The following SCO1 variants were observed in gnomAD, a reference collection of about 807,000 sequenced individuals.
The protein encoded by SCO1 is synthesis of cytochrome C oxidase 1, also known as cytochrome c oxidase assembly factor SCO1.
SCO1 carries 23 observed loss-of-function variants against 34.0 expected under a neutral mutation model. That is an observed-to-expected ratio of 0.68 (90% CI 0.49 to 0.96). SCO1 has a LOEUF of 0.96. SCO1 is among the 40% of genes least tolerant of loss of function. SCO1 has a pLI of 0.00. For synonymous variants in SCO1, 161 were observed against 145.5 expected (o/e 1.11, Z -0.77); for missense variants, 404 against 381.6 (o/e 1.06, Z -0.49).
Position 10,675,661 on chromosome 17 carries a change from A to G in SCO1, c.*5458T>C, listed in dbSNP as rs1187798189. 6.6e-6 allele frequency: 1 copy of G among 152,192 alleles called. No homozygotes were observed. Among genetic ancestry groups the G allele is most frequent in the African/African-American group, 2.4e-5 (1 of 41,446 alleles). 9.4% of individuals were successfully genotyped at this position (152,192 alleles called of 1,614,324 possible). A position where few individuals can be genotyped will look rare whatever the true frequency, so the allele number is the denominator to read the frequency against. ...GTTAAGCACTATTCTGACTTTTAAC[A>G]CGATGGGTTAGTTTTCCCTGTTCTC... On this transcript the variant is annotated 3_prime_UTR_variant, in exon 6 of 6. Coordinates refer to ENST00000255390, the MANE Select transcript of SCO1 (RefSeq NM_004589.4).
intron 5 of SCO1, among the ~76,000 whole-genome samples, chr17:10,685,220 A>G (rs2074648073): frequency 6.6e-6 from 1 of 152,214 alleles, no homozygotes; most frequent in Non-Finnish European, 1.5e-5. Context: ...TCAGTGACTC[A>G]GGGTCTTGGC....
rs2074598507 is a variant in SCO1 at position 10,678,687 on chromosome 17, C to A, written c.*2432G>T. On this transcript the variant is annotated 3_prime_UTR_variant, in exon 6 of 6. Transcript: ENST00000255390. Reference sequence around the variant, plus strand: ...AGATTCCTAGGAAAGTCATTCTAAACCAACTGCTTCCGAGCTGGTTTCTAT... The same window carrying A: ...AGATTCCTAGGAAAGTCATTCTAAAACAACTGCTTCCGAGCTGGTTTCTAT... 1 of 152,142 alleles carries A rather than the reference C, an allele frequency of 6.6e-6. No individual in the cohort carries two copies. The highest frequency in any genetic ancestry group is 2.1e-4 in the South Asian group (1 of 4,824). 9.4% of individuals were successfully genotyped at this position (152,142 alleles called of 1,614,324 possible). A position where few individuals can be genotyped will look rare whatever the true frequency, so the allele number is the denominator to read the frequency against.
chr17:10,692,693 T>C, intron 3 of SCO1, 71 bp downstream of exon 3: 3 of 1,247,950 alleles, frequency 2.4e-6, no homozygotes, highest in Non-Finnish European at 2.3e-6. Context: ...CTAACAATAA[T>C]ACAAGGGTGT....
rs554576712 is a variant in SCO1 at position 10,681,221 on chromosome 17, T to C, written c.804A>G (p.Gly268=). 7.6e-5 allele frequency: 123 copies of C among 1,614,094 alleles called. 2 individuals are homozygous for C. In the South Asian group the frequency reaches 1.3e-3, roughly 17 times the overall value. ...AATAATCTAGAAACTCACCATCTGG[T>C]CCAATCAAGTACATTATTATTGTGT... ...VDHTIIMYLI[G]PDGEFLDYFG... The change falls in exon 6 of 6, where the codon GGA becomes GGG. Residue 268 remains glycine, a synonymous_variant. Transcript: ENST00000255390.
At chr17:10,696,306 G>T (rs374423912) in intron 1 of SCO1, among the ~76,000 whole-genome samples, 1 of 151,982 alleles carries the variant, frequency 6.6e-6, no homozygotes, top group East Asian at 1.9e-4. Context: ...TTAGCCGGGC[G>T]TGGTAGCGGA....
intron 4 of SCO1, among the ~76,000 whole-genome samples, chr17:10,691,520 T>C (rs902659909): frequency 2.0e-5 from 3 of 152,216 alleles, no homozygotes; most frequent in African/African-American, 7.2e-5. Flanking sequence ...TTCCAGAATA[T>C]ATGTTTGTTC....
At chr17:10,696,762 G>A (rs1027160717) in intron 1 of SCO1, among the ~76,000 whole-genome samples, 1 of 152,030 alleles carries the variant, frequency 6.6e-6, no homozygotes, top group Non-Finnish European at 1.5e-5. Context: ...TTATTTCTGG[G>A]TCAGAATTAG....
chr17:10,680,189 T>C lies in SCO1; in HGVS notation c.*930A>G, dbSNP rs1332517249. ...CAGGTCTCTGCATCATACTGCAGAT[T>C]CAGTGAATTCAGCTCTGGGTCTGGG... On this transcript the variant is annotated 3_prime_UTR_variant, in exon 6 of 6. Transcript: ENST00000255390. The C allele has an allele frequency of 6.6e-6, 1 of 152,294 alleles. No individual in the cohort carries two copies. The highest frequency in any genetic ancestry group is 1.5e-5 in the Non-Finnish European group (1 of 68,110). 9.4% of individuals were successfully genotyped at this position (152,294 alleles called of 1,614,324 possible).
Position 10,677,516 on chromosome 17 carries a change from A to G in SCO1, c.*3603T>C. 6.6e-6 allele frequency: 1 copy of G among 152,352 alleles called. No homozygotes were observed. Among genetic ancestry groups the G allele is most frequent in the East Asian group, 1.9e-4 (1 of 5,182 alleles). 9.4% of individuals were successfully genotyped at this position (152,352 alleles called of 1,614,324 possible). On this transcript the variant is annotated 3_prime_UTR_variant, in exon 6 of 6. Coordinates refer to ENST00000255390, the MANE Select transcript of SCO1 (RefSeq NM_004589.4). ...ATATTAATGTCAATTTCTTTTAAAC[A>G]TAAATTTAAGAACAATAAAAGCTAT...
rs1163927424 is a variant in SCO1, at chr17:10,674,666, C to T, written c.*6453G>A. 1 of 152,614 alleles carries T rather than the reference C, an allele frequency of 6.6e-6. No homozygotes were observed. The highest frequency in any genetic ancestry group is 2.4e-5 in the African/African-American group (1 of 41,444). 9.5% of individuals were successfully genotyped at this position (152,614 alleles called of 1,614,324 possible). On this transcript the variant is annotated 3_prime_UTR_variant, in exon 6 of 6. Transcript: ENST00000255390. ...TGAGGACATACCAGATGGTGTGTGA[C>T]ACGTCTGACATTGTGATGGCGAAAC... is the stretch of plus-strand genomic sequence containing the variant.
At chr17:10,693,324 T>C (rs1000634267) in intron 2 of SCO1, among the ~76,000 whole-genome samples, 3 of 151,536 alleles carry the variant, frequency 2.0e-5, no homozygotes, top group African/African-American at 7.3e-5. Flanking sequence ...GCATAGGGAG[T>C]CTGATCCTGA....
intron 5 of SCO1, 114 bp from the exon 6 acceptor site, chr17:10,681,367 C>T (rs765359121): frequency 7.1e-6 from 8 of 1,126,894 alleles, no homozygotes; most frequent in Non-Finnish European, 9.2e-6. Context: ...ATAACCTTTA[C>T]AGCATCTATT....
At chr17:10,681,283 A>G (rs1306603271) in intron 5 of SCO1, 30 bp from the exon 6 acceptor site, 3 of 1,612,304 alleles carry the variant, frequency 1.9e-6, no homozygotes, top group Non-Finnish European at 8.5e-7. Flanking sequence ...GAGTGTGACA[A>G]AGATTACCAA....
At chr17:10,688,837 C>CAAAGGAAAA (rs2074672509) in intron 4 of SCO1, among the ~76,000 whole-genome samples, 10 of 141,324 alleles carry the variant, frequency 7.1e-5, no homozygotes, top group African/African-American at 3.2e-4. Context: ...GTTCTGCAGG[C>CAAAGGAAAA]CGGGCGCGGT....
chr17:10,691,910 T>C lies in SCO1; in HGVS notation c.617A>G (p.Glu206Gly). The C allele has an allele frequency of 6.2e-7, 1 of 1,613,626 alleles. No individual in the cohort carries two copies. ...LTPLFISIDP[E>G]RDTKEAIANY... ...TGCGATGGCTTCTTTTGTGTCCCTCTCTGGGTCAATGCTGATGAAAAGTGG... is the reference window on the plus strand; with the variant it reads ...TGCGATGGCTTCTTTTGTGTCCCTCCCTGGGTCAATGCTGATGAAAAGTGG... The change falls in exon 4 of 6, where the codon GAG (glutamate) becomes GGG (glycine). Residue 206 changes from glutamate (E) to glycine (G), a missense_variant. Glu to Gly is a moderately conservative substitution (Grantham distance 98). Transcript: ENST00000255390.
In SCO1 at chr17:10,679,422, A is replaced by G. The variant is rs1257900419; in HGVS notation, c.*1697T>C. 1 of 151,872 alleles carries G rather than the reference A, an allele frequency of 6.6e-6. No homozygotes were observed. Among genetic ancestry groups the G allele is most frequent in the Non-Finnish European group, 1.5e-5 (1 of 68,040 alleles). 9.4% of individuals were successfully genotyped at this position (151,872 alleles called of 1,614,324 possible). On this transcript the variant is annotated 3_prime_UTR_variant, in exon 6 of 6. Transcript: ENST00000255390. ...GGACATTATTCAACCTATAACTAGC[A>G]TAGTTTTTTTTCACATACTTTTACT... is the stretch of plus-strand genomic sequence containing the variant.
intron 1 of SCO1, 25 bp from the exon 2 acceptor site, chr17:10,695,856 T>C (rs2074719680): frequency 6.5e-7 from 1 of 1,548,242 alleles, no homozygotes; most frequent in African/African-American, 1.4e-5. Flanking sequence ...ATTTCAAACA[T>C]AAAAATTCTA....
rs2074605210 is a variant in SCO1, at chr17:10,679,421, CAT to C, written c.*1696_*1697del. On this transcript the variant is annotated 3_prime_UTR_variant, in exon 6 of 6. Coordinates refer to ENST00000255390, the MANE Select transcript of SCO1 (RefSeq NM_004589.4). Reference sequence around the variant, plus strand: ...GGGACATTATTCAACCTATAACTAGCATAGTTTTTTTTCACATACTTTTACTT... The same window carrying C: ...GGGACATTATTCAACCTATAACTAGCAGTTTTTTTTCACATACTTTTACTT... 6.6e-6 allele frequency: 1 copy of C among 151,872 alleles called. No individual in the cohort carries two copies. Among genetic ancestry groups the C allele is most frequent in the African/African-American group, 2.4e-5 (1 of 41,132 alleles). 9.4% of individuals were successfully genotyped at this position (151,872 alleles called of 1,614,324 possible).
chr17:10,680,961 G>A lies in SCO1; in HGVS notation c.*158C>T, dbSNP rs994437232. On this transcript the variant is annotated 3_prime_UTR_variant, in exon 6 of 6. Transcript: ENST00000255390. ...TTCCAAGAATCAATTTTGGTTGAAC[G>A]CAAGGGTAACATCCCCATCCAAAAC... 3.6e-5 allele frequency: 32 copies of A among 888,714 alleles called. No individual in the cohort carries two copies. The highest frequency in any genetic ancestry group is 1.0e-4 in the East Asian group (4 of 39,776). The allele number at this position is 888,714 out of a possible 1,614,324, so 55.1% of individuals were successfully genotyped here. A position where few individuals can be genotyped will look rare whatever the true frequency, so the allele number is the denominator to read the frequency against.
Sources: gnomAD v4.1 joint callset for allele counts (sites outside exome capture counted in the v4.1 genomes callset) on GRCh38, gnomAD v4.1.1 for gene constraint, MANE v1.5 for transcripts, NCBI Gene and HGNC (gene_info 2026-07-23, HGNC 2026-07-21) for gene names.